The following DUSP4 variants were observed in gnomAD, a reference collection of about 807,000 sequenced individuals.
DUSP4 encodes dual specificity phosphatase 4, also known as dual specificity protein phosphatase 4.
DUSP4 carries 12 observed loss-of-function variants against 27.2 expected under a neutral mutation model. The ratio of observed to expected loss-of-function variants is 0.44; its 90% CI spans 0.28 to 0.71. The LOEUF is 0.71. Among genes scored for constraint, DUSP4 ranks in the 30% least tolerant of loss-of-function variants. The pLI, the probability that DUSP4 is intolerant of heterozygous loss-of-function variation, is 0.14. For missense variants in DUSP4, 448 were observed against 551.3 expected (o/e 0.81, Z 1.88); for synonymous variants, 257 against 245.2 (o/e 1.05, Z -0.45).
intron 1 of DUSP4, among the ~76,000 whole-genome samples, chr8:29,347,319 C>T (rs895102045): frequency 4.6e-5 from 7 of 152,184 alleles, no homozygotes; most frequent in Non-Finnish European, 1.0e-4. Flanking sequence ...CAGATACTGA[C>T]TTTTTCCTTC....
Position 29,350,312 on chromosome 8 carries a change from G to C in DUSP4, c.-34C>G, listed in dbSNP as rs1371759671. On this transcript the variant is annotated 5_prime_UTR_variant, in exon 1 of 4. Coordinates refer to ENST00000240100, the MANE Select transcript of DUSP4 (RefSeq NM_001394.7). ...GGAACCGAGGCGGCTGGGCGCGCGAGGAAGAGAAGAGAACCCGGGCCGCCT... is the reference window on the plus strand; with the variant it reads ...GGAACCGAGGCGGCTGGGCGCGCGACGAAGAGAAGAGAACCCGGGCCGCCT... The C allele has an allele frequency of 6.5e-7, 1 of 1,546,872 alleles. No homozygotes were observed. The highest frequency in any genetic ancestry group is 1.4e-5 in the African/African-American group (1 of 73,114).
At position 29,338,452 on chromosome 8, in the gene DUSP4, T is replaced by C; in HGVS notation, c.629A>G (p.His210Arg). 1 of 1,614,082 alleles carries C rather than the reference T, an allele frequency of 6.2e-7. No homozygotes were observed. The highest frequency in any genetic ancestry group is 2.2e-5 in the East Asian group (1 of 44,888). ...GTCCAGCATGTCTCTCCGGGCAGCA[T>C]GGTAGGCACTGCCGAGGTAGAGGAA... ...LPFLYLGSAY[H>R]AARRDMLDAL... The change falls in exon 3 of 4, where the codon CAT (histidine) becomes CGT (arginine). Residue 210 changes from histidine (H) to arginine (R), a missense_variant. His to Arg is a conservative substitution (Grantham distance 29). This residue lies in a region of DUSP4 where 345 missense variants were observed against 394.0 expected (regional missense o/e 0.88). Coordinates refer to ENST00000240100, the MANE Select transcript of DUSP4 (RefSeq NM_001394.7).
chr8:29,346,673 T>C lies in DUSP4; in HGVS notation c.433+3173A>G, dbSNP rs1390400393. ...CTTTACTAGCAAAGATAGAAAACAT[T>C]AGATTTTTCGTTATTGCTTTTAGCA... On this transcript the variant is annotated intron_variant, in intron 1 of 3. Transcript: ENST00000240100. Among the ~76,000 whole-genome samples, 7 of 152,338 alleles carry C rather than the reference T, an allele frequency of 4.6e-5. No individual in the cohort carries two copies. The East Asian group carries it at 1.2e-3, about 25-fold the overall frequency.
chr8:29,340,437 G>A (rs192226367), intron 1 of DUSP4, among the ~76,000 whole-genome samples, 194 bp from the exon 2 acceptor site: 100 of 152,278 alleles, frequency 6.6e-4, no homozygotes, highest in African/African-American at 2.3e-3. Context: ...GGACACACTC[G>A]TCAGGACTGC....
At chr8:29,347,943 C>G (rs906500108) in intron 1 of DUSP4, 26 of 985,374 alleles carry the variant, frequency 2.6e-5, no homozygotes, top group Non-Finnish European at 2.9e-5. Flanking sequence ...GGGGATAAAT[C>G]TTAAAAAATA....
At chr8:29,341,635 C>T (rs945775417) in intron 1 of DUSP4, among the ~76,000 whole-genome samples, 20 of 152,160 alleles carry the variant, frequency 1.3e-4, no homozygotes, top group Admixed American at 2.6e-4. Context: ...GGGCTGGTAC[C>T]GTCAGCCTCG....
Position 29,337,881 on chromosome 8 carries a change from GC to G in DUSP4, c.799+400del, listed in dbSNP as rs1402461953. On this transcript the variant is annotated intron_variant, in intron 3 of 3. Coordinates refer to ENST00000240100, the MANE Select transcript of DUSP4 (RefSeq NM_001394.7). This position sits in a 1 kb window ranked among gnomAD's most constrained non-coding sequence, Gnocchi z 6.4. ...CAGGAGAATCACTTGCACCCCAGAA[GC>G]GGAGGTTGCAGTGAGCTGAGATGGC... 1.3e-5 allele frequency among the ~76,000 whole-genome samples: 2 copies of G among 152,178 alleles called. No homozygotes were observed. The highest frequency in any genetic ancestry group is 4.8e-5 in the African/African-American group (2 of 41,436).
At chr8:29,347,178 C>G (rs1052087609) in intron 1 of DUSP4, among the ~76,000 whole-genome samples, 1 of 152,152 alleles carries the variant, frequency 6.6e-6, no homozygotes, top group Non-Finnish European at 1.5e-5. Flanking sequence ...GGTCTCTGCC[C>G]CAGAGCCCCC....
At position 29,335,300 on chromosome 8, in the gene DUSP4, C is replaced by T. The variant is rs1032190806; in HGVS notation, c.*1726G>A. On this transcript the variant is annotated 3_prime_UTR_variant, in exon 4 of 4. Transcript: ENST00000240100. ...AACTAAGGATTCAAAATGGCACCCA[C>T]GTGCCGACGATAGATTCAAAATGGC... 6 of 151,978 alleles carry T rather than the reference C, an allele frequency of 3.9e-5. No homozygotes were observed. In the East Asian group the frequency reaches 5.8e-4, roughly 15 times the overall value. 9.4% of individuals were successfully genotyped at this position (151,978 alleles called of 1,614,324 possible).
intron 1 of DUSP4, chr8:29,347,695 G>A (rs772522839): frequency 3.1e-6 from 3 of 960,974 alleles, no homozygotes; most frequent in Non-Finnish European, 3.7e-6. Flanking sequence ...GGCCGACTAC[G>A]AGAGGCAGTG....
In DUSP4 at chr8:29,350,104, C is replaced by A. The variant is rs749028431; in HGVS notation, c.175G>T (p.Gly59Cys). 5.6e-6 allele frequency: 9 copies of A among 1,608,786 alleles called. No homozygotes were observed. The highest frequency in any genetic ancestry group is 6.8e-6 in the Non-Finnish European group (8 of 1,178,936). Reference protein sequence around the residue: ...DCRPFLAHSAGYILGSVNVRC... With the variant: ...DCRPFLAHSACYILGSVNVRC... The stretch of plus-strand genomic sequence containing the variant: ...ACGTTGACCGAACCTAGGATGTAGC[C>A]CGCGCTGTGCGCCAGGAACGGTCTG... The change falls in exon 1 of 4, where the codon GGC (glycine) becomes TGC (cysteine). Residue 59 changes from glycine (G) to cysteine (C), a missense_variant. Coordinates refer to ENST00000240100, the MANE Select transcript of DUSP4 (RefSeq NM_001394.7).
intron 1 of DUSP4, among the ~76,000 whole-genome samples, chr8:29,345,002 C>T (rs599042): frequency 0.078 from 11,816 of 152,090 alleles, 1,482 homozygotes; most frequent in African/African-American, 0.26. Context: ...CCATCTCGCC[C>T]GGCTAATTTT....
rs1408089867 is a variant in DUSP4 at position 29,333,290 on chromosome 8, C to T, written c.*3736G>A. 1.3e-5 allele frequency: 2 copies of T among 152,212 alleles called. No homozygotes were observed. The highest frequency in any genetic ancestry group is 4.8e-5 in the African/African-American group (2 of 41,442). 9.4% of individuals were successfully genotyped at this position (152,212 alleles called of 1,614,324 possible). On this transcript the variant is annotated 3_prime_UTR_variant, in exon 4 of 4. Transcript: ENST00000240100. ...CGTTGCTGTCTTTAAGAAGTCTCCT[C>T]CTTGAATAACTCATAAACTCTAAGG...
Position 29,335,537 on chromosome 8 carries a change from T to G in DUSP4, c.*1489A>C, listed in dbSNP as rs1389372846. On this transcript the variant is annotated 3_prime_UTR_variant, in exon 4 of 4. Coordinates refer to ENST00000240100, the MANE Select transcript of DUSP4 (RefSeq NM_001394.7). Reference sequence around the variant, plus strand: ...AATGTGGTGTCCATTCCCCTCTTTATTCAAAAGAGGACCTTCAAAAATATT... The same window carrying G: ...AATGTGGTGTCCATTCCCCTCTTTAGTCAAAAGAGGACCTTCAAAAATATT... The G allele has an allele frequency of 1.3e-5, 2 of 152,208 alleles. No homozygotes were observed. Among genetic ancestry groups the G allele is most frequent in the African/African-American group, 2.4e-5 (1 of 41,448 alleles). 9.4% of individuals were successfully genotyped at this position (152,208 alleles called of 1,614,324 possible).
intron 1 of DUSP4, among the ~76,000 whole-genome samples, chr8:29,347,459 A>T (rs1030872165): frequency 1.3e-5 from 2 of 152,252 alleles, no homozygotes; most frequent in Non-Finnish European, 2.9e-5. Flanking sequence ...AGTTAACCTC[A>T]ACGATGTTCA....
rs576749162 is a variant in DUSP4 at position 29,349,000 on chromosome 8, C to G, written c.433+846G>C. ...GGTCCCTCCAGGGACTCGGACAGCA[C>G]GCGATTTTTCCAGGATTTCCGACTA... On this transcript the variant is annotated intron_variant, in intron 1 of 3. Coordinates refer to ENST00000240100, the MANE Select transcript of DUSP4 (RefSeq NM_001394.7). Among the ~76,000 whole-genome samples, 5 of 152,314 alleles carry G rather than the reference C, an allele frequency of 3.3e-5. No homozygotes were observed. The South Asian group carries it at 1.0e-3, about 32-fold the overall frequency.
At chr8:29,340,468 C>CT (rs1817642874) in intron 1 of DUSP4, among the ~76,000 whole-genome samples, 1 of 152,140 alleles carries the variant, frequency 6.6e-6, no homozygotes, top group Admixed American at 6.5e-5. Context: ...GAAGGATAAG[C>CT]TTTATGGACA....
chr8:29,348,978 C>T lies in DUSP4; in HGVS notation c.433+868G>A, dbSNP rs117068393. ...CCTGCAGGTGTGGCGGGCGCCAGGTCCCTCCAGGGACTCGGACAGCACGCG... is the reference window on the plus strand; with the variant it reads ...CCTGCAGGTGTGGCGGGCGCCAGGTTCCTCCAGGGACTCGGACAGCACGCG... On this transcript the variant is annotated intron_variant, in intron 1 of 3. Transcript: ENST00000240100. 5.3e-4 allele frequency among the ~76,000 whole-genome samples: 80 copies of T among 152,282 alleles called. No homozygotes were observed. In the East Asian group the frequency reaches 0.014, roughly 26 times the overall value.
intron 2 of DUSP4, among the ~76,000 whole-genome samples, chr8:29,338,704 C>T (rs1817614801): frequency 6.6e-6 from 1 of 152,194 alleles, no homozygotes; most frequent in African/African-American, 2.4e-5. Context: ...CAGCCTTTGC[C>T]CTCTACTTGT....
Sources: gnomAD v4.1 joint callset for allele counts (sites outside exome capture counted in the v4.1 genomes callset) on GRCh38, gnomAD v4.1.1 for gene constraint, gnomAD v4.1.1 regional missense constraint, Gnocchi (gnomAD v3.1) non-coding constraint, MANE v1.5 for transcripts, NCBI Gene and HGNC (gene_info 2026-07-23, HGNC 2026-07-21) for gene names.